Variants in DOCK1 observed in about 807,000 individuals in gnomAD.
DOCK1 encodes dedicator of cytokinesis protein 1.
Under a neutral mutation model 262.7 loss-of-function variants are expected in DOCK1, and 138 were observed. The observed-to-expected ratio is 0.53, with a 90% CI of 0.46 to 0.61. DOCK1 has a LOEUF of 0.61. Ranked by LOEUF, DOCK1 falls within the 20% of genes least tolerant of loss-of-function variation. The probability of loss-of-function intolerance (pLI) is 0.00; values close to 1 mark genes in which losing one functional copy is unlikely to be tolerated. For synonymous variants in DOCK1, 866 were observed against 867.4 expected, an observed-to-expected ratio of 1.00 and a Z score of 0.03; for missense variants, 1,908 against 2,370.7, an observed-to-expected ratio of 0.80 and a Z score of 4.05.
chr10:127,053,078 TG>T (rs1564765581), intron 22 of DOCK1, among the ~76,000 whole-genome samples: 2 of 152,344 alleles, frequency 1.3e-5, no homozygotes, highest in South Asian at 2.1e-4. Flanking sequence ...CCTTGGCTCC[TG>T]AAAGCATTGG....
intron 29 of DOCK1, among the ~76,000 whole-genome samples, chr10:127,322,859 C>T (rs892430565): frequency 1.3e-5 from 2 of 151,312 alleles, no homozygotes; most frequent in Admixed American, 1.4e-4. Context: ...GTACTGATCC[C>T]TTGACTAGAC....
At chr10:127,150,025 C>G (rs2052334638) in intron 27 of DOCK1, among the ~76,000 whole-genome samples, 1 of 152,140 alleles carries the variant, frequency 6.6e-6, no homozygotes, top group African/African-American at 2.4e-5. Flanking sequence ...GATTCATATG[C>G]AGGAATTCAA....
chr10:127,428,218 G>A (rs951727381), intron 47 of DOCK1, among the ~76,000 whole-genome samples: 3 of 152,222 alleles, frequency 2.0e-5, no homozygotes, highest in African/African-American at 7.2e-5. Context: ...CTTCCTAAGT[G>A]AAAAGCTTCC....
rs567098782 is a variant in DOCK1, at chr10:126,910,324, C to T, written c.46+4761C>T. On this transcript the variant is annotated intron_variant, in intron 1 of 51. Transcript: ENST00000623213. ...ATTGTCTTAGTGTGTGTCAATAGTT[C>T]TGTCTCTTTATCACCTCTGTGGATG... 7.0e-4 allele frequency among the ~76,000 whole-genome samples: 105 copies of T among 151,022 alleles called. No homozygotes were observed. In the Middle Eastern group the frequency reaches 0.014, roughly 20 times the overall value.
chr10:127,378,706 G>A (rs989760626), intron 35 of DOCK1, among the ~76,000 whole-genome samples: 1 of 152,206 alleles, frequency 6.6e-6, no homozygotes, highest in Non-Finnish European at 1.5e-5. Context: ...GTACAAAAGG[G>A]GATGGTGTGA....
At chr10:127,444,937 C>G (rs541429664) in intron 50 of DOCK1, among the ~76,000 whole-genome samples, 1 of 151,862 alleles carries the variant, frequency 6.6e-6, no homozygotes, top group Non-Finnish European at 1.5e-5. Context: ...CCTGTCTCCA[C>G]GTGGCCTCCT....
chr10:127,073,070 A>G (rs1050879025), intron 23 of DOCK1, among the ~76,000 whole-genome samples: 2 of 152,256 alleles, frequency 1.3e-5, no homozygotes, highest in African/African-American at 2.4e-5. Flanking sequence ...AAATGCATTC[A>G]CCGTAGGTGT....
At chr10:127,122,217 C>T (rs1031063355) in intron 25 of DOCK1, among the ~76,000 whole-genome samples, 2 of 152,130 alleles carry the variant, frequency 1.3e-5, no homozygotes, top group African/African-American at 4.8e-5. Flanking sequence ...AATTGCCTTT[C>T]TTTGGGGGCC....
At chr10:127,067,353 GGATGA>G in intron 23 of DOCK1, among the ~76,000 whole-genome samples, 1 of 152,124 alleles carries the variant, frequency 6.6e-6, no homozygotes, top group Non-Finnish European at 1.5e-5. Context: ...CCTTCCCTTA[GGATGA>G]CCCTGGGAAA....
At chr10:127,262,030 A>G (rs111068433) in intron 29 of DOCK1, among the ~76,000 whole-genome samples, 1,016 of 43,670 alleles carry the variant, frequency 0.023, 41 homozygotes, top group African/African-American at 0.035. Flanking sequence ...ATGTGTGTGC[A>G]TGTGTGTGTG....
At chr10:127,153,254 T>C (rs2052689021) in intron 27 of DOCK1, among the ~76,000 whole-genome samples, 1 of 152,226 alleles carries the variant, frequency 6.6e-6, no homozygotes, top group African/African-American at 2.4e-5. Context: ...CCTAAATTAC[T>C]GATGCAGGCC....
chr10:127,009,435 G>C (rs1034581995), intron 11 of DOCK1, among the ~76,000 whole-genome samples: 1 of 152,132 alleles, frequency 6.6e-6, no homozygotes, highest in African/African-American at 2.4e-5. Context: ...GGGAAGAACT[G>C]GCGTTTATTT....
At chr10:126,980,007 A>G (rs10732439) in intron 3 of DOCK1, among the ~76,000 whole-genome samples, 77,972 of 151,704 alleles carry the variant, frequency 0.51, 20,378 homozygotes, top group East Asian at 0.64. Context: ...GGTTGTCTCC[A>G]CCTGTGGACA....
At chr10:127,099,778 A>G (rs1165735093) in intron 23 of DOCK1, among the ~76,000 whole-genome samples, 1 of 152,098 alleles carries the variant, frequency 6.6e-6, no homozygotes, top group African/African-American at 2.4e-5. Context: ...AGCATGAGAG[A>G]TGGAGAGGAC....
chr10:127,268,515 A>AAAAG (rs1391008510), intron 29 of DOCK1, among the ~76,000 whole-genome samples: 2 of 151,142 alleles, frequency 1.3e-5, no homozygotes, highest in African/African-American at 2.4e-5. Flanking sequence ...AAAAAAAAAA[A>AAAAG]AAAAAAAGAA....
At chr10:127,006,373 G>C (rs1354861910) in intron 10 of DOCK1, among the ~76,000 whole-genome samples, 2 of 152,196 alleles carry the variant, frequency 1.3e-5, no homozygotes, top group Non-Finnish European at 2.9e-5. Flanking sequence ...GGTGCCGTCT[G>C]TCTACCCGGC....
chr10:127,322,187 CT>C (rs201505491), intron 29 of DOCK1, among the ~76,000 whole-genome samples: 134 of 146,108 alleles, frequency 9.2e-4, no homozygotes, highest in East Asian at 5.7e-3. Flanking sequence ...TATAATTTCC[CT>C]TTTTTTTTTT....
chr10:127,366,238 T>C (rs776313395), intron 33 of DOCK1, among the ~76,000 whole-genome samples: 3 of 152,054 alleles, frequency 2.0e-5, no homozygotes, highest in Non-Finnish European at 2.9e-5. Flanking sequence ...GCAGAAAAAC[T>C]AACCCTTGTT....
At chr10:127,405,456 T>TTTA in intron 40 of DOCK1, among the ~76,000 whole-genome samples, 1 of 151,902 alleles carries the variant, frequency 6.6e-6, no homozygotes, top group Non-Finnish European at 1.5e-5. Flanking sequence ...TTTTTTTTTT[T>TTTA]TTGGACACTT....
Sources: allele counts gnomAD v4.1 joint callset (sites outside exome capture counted in the v4.1 genomes callset), GRCh38; gene constraint gnomAD v4.1.1; transcripts MANE v1.5; gene names NCBI Gene and HGNC (gene_info 2026-07-23, HGNC 2026-07-21).